The following COL9A1 variants were observed in gnomAD, a reference collection of about 807,000 sequenced individuals.
COL9A1 encodes collagen type IX alpha 1 chain.
A neutral mutation model predicts 142.6 loss-of-function variants in COL9A1; 104 were observed. The observed-to-expected ratio is 0.73, with a 90% CI of 0.62 to 0.86. COL9A1 has a LOEUF of 0.86. COL9A1 is among the 40% of genes least tolerant of loss of function. The pLI is 0.00. For synonymous variants in COL9A1, 466 were observed against 396.0 expected, an observed-to-expected ratio of 1.18 and a Z score of -2.10; for missense variants, 1,210 against 1,176.6, an observed-to-expected ratio of 1.03 and a Z score of -0.42.
At chr6:70,295,489 T>C (rs1406401427) in intron 4 of COL9A1, among the ~76,000 whole-genome samples, 3 of 151,808 alleles carry the variant, frequency 2.0e-5, no homozygotes, top group Non-Finnish European at 4.4e-5. Context: ...TGTTTCGCCA[T>C]GTCAGTCAGG....
intron 17 of COL9A1, among the ~76,000 whole-genome samples, chr6:70,267,291 CTG>C (rs920016012): frequency 6.9e-5 from 10 of 145,034 alleles, no homozygotes; most frequent in Non-Finnish European, 1.4e-4. Flanking sequence ...GCCTCTTTCT[CTG>C]TACATTTTTT....
chr6:70,260,628 G>T, intron 20 of COL9A1, 29 bp downstream of exon 20: 9 of 1,599,560 alleles, frequency 5.6e-6, no homozygotes, highest in Non-Finnish European at 7.7e-6. Flanking sequence ...ACACATTTTG[G>T]TATTATATTA....
intron 5 of COL9A1, among the ~76,000 whole-genome samples, chr6:70,291,322 G>T (rs928324799): frequency 6.6e-6 from 1 of 152,096 alleles, no homozygotes; most frequent in African/African-American, 2.4e-5. Context: ...ATTGTACCTT[G>T]TCTTCTCCTA....
chr6:70,257,848 G>A (rs1198814084), intron 20 of COL9A1, among the ~76,000 whole-genome samples: 1 of 152,122 alleles, frequency 6.6e-6, no homozygotes, highest in East Asian at 1.9e-4. Flanking sequence ...GGGATTTCTG[G>A]GACTCTGGAT....
At chr6:70,238,881 G>A (rs936675044) in intron 33 of COL9A1, among the ~76,000 whole-genome samples, 5 of 152,222 alleles carry the variant, frequency 3.3e-5, no homozygotes, top group African/African-American at 1.2e-4. Context: ...GCTCACACCT[G>A]TAAACCCAGC....
Position 70,268,855 on chromosome 6 carries a change from G to A in COL9A1, c.1236C>T (p.Pro412=), listed in dbSNP as rs1156694624. The part of the protein sequence containing the change: ...IGFHDGDPLC[P]NACPPGRSGY... Reference sequence around the variant, plus strand: ...CTGAGCGACCTGGTGGACAGGCATTGGGACACTGCCAGGGAGAGAGGGAAC... The same window carrying A: ...CTGAGCGACCTGGTGGACAGGCATTAGGACACTGCCAGGGAGAGAGGGAAC... Residue 412 remains proline, a synonymous_variant, in exon 17 of 38, where the codon CCC becomes CCT. Transcript: ENST00000357250. The A allele has an allele frequency of 1.2e-6, 2 of 1,613,700 alleles. No homozygotes were observed. Among genetic ancestry groups the A allele is most frequent in the Non-Finnish European group, 1.7e-6 (2 of 1,179,844 alleles).
intron 18 of COL9A1, among the ~76,000 whole-genome samples, chr6:70,264,687 A>G (rs1242326140): frequency 1.3e-5 from 2 of 152,096 alleles, no homozygotes; most frequent in Non-Finnish European, 2.9e-5. Flanking sequence ...TGTTTCACCT[A>G]CAGGTGAAAA....
intron 1 of COL9A1, 131 bp from the exon 2 acceptor site, chr6:70,302,205 T>A (rs1774092771): frequency 5.1e-5 from 4 of 77,704 alleles, no homozygotes; most frequent in Admixed American, 2.2e-4. Flanking sequence ...TTTTCATTTC[T>A]TTTTTTTTTT....
At chr6:70,267,116 G>A (rs1449271068) in intron 17 of COL9A1, among the ~76,000 whole-genome samples, 2 of 152,008 alleles carry the variant, frequency 1.3e-5, no homozygotes, top group South Asian at 2.1e-4. Flanking sequence ...TCTAGTTCCG[G>A]TAACTTAACC....
chr6:70,297,248 T>C (rs1405382423), intron 4 of COL9A1, among the ~76,000 whole-genome samples: 5 of 152,088 alleles, frequency 3.3e-5, no homozygotes, highest in African/African-American at 9.6e-5. Flanking sequence ...AGGTTTGAGA[T>C]TGCTAAATGA....
At position 70,280,740 on chromosome 6, in the gene COL9A1, C is replaced by A. The variant is rs181957735; in HGVS notation, c.975+72G>T. On this transcript the variant is annotated intron_variant, in intron 10 of 37. Coordinates refer to ENST00000357250, the MANE Select transcript of COL9A1 (RefSeq NM_001851.6). ...CTCTTTCTCTCTCTCCCTCCCCCCC[C>A]ACAAAACACACACTTACTCGTACCC... 199 of 1,521,616 alleles carry A rather than the reference C, an allele frequency of 1.3e-4. 1 individual carries two copies. The African/African-American group carries it at 1.5e-3, about 12-fold the overall frequency. The allele number at this position is 1,521,616 out of a possible 1,614,324, so 94.3% of individuals were successfully genotyped here.
At position 70,254,983 on chromosome 6, in the gene COL9A1, G is replaced by A; in HGVS notation, c.1645C>T (p.Pro549Ser). 6.2e-7 allele frequency: 1 copy of A among 1,614,078 alleles called. No individual in the cohort carries two copies. The highest frequency in any genetic ancestry group is 8.5e-7 in the Non-Finnish European group (1 of 1,180,014). ...LPGVDGRDGIPGMPGTKGEPG... is the reference protein window; with the variant it reads ...LPGVDGRDGISGMPGTKGEPG... Reference sequence around the variant, plus strand: ...CCTACCTTTGTTCCAGGCATTCCAGGGATCCCATCACGGCCATCCACACCT... The same window carrying A: ...CCTACCTTTGTTCCAGGCATTCCAGAGATCCCATCACGGCCATCCACACCT... Residue 549 changes from proline to serine, a missense_variant, in exon 24 of 38, where the codon CCT becomes TCT. Physicochemically the swap from Pro to Ser is moderately conservative, Grantham distance 74. Transcript: ENST00000357250.
chr6:70,252,431 C>T, intron 26 of COL9A1, 116 bp from the exon 27 acceptor site: 1 of 886,218 alleles, frequency 1.1e-6, no homozygotes, highest in Non-Finnish European at 1.9e-6. Context: ...CCTGCTTTCA[C>T]ACTGAGAATC....
chr6:70,229,767 C>G (rs1261367953), intron 36 of COL9A1, among the ~76,000 whole-genome samples: 7 of 152,082 alleles, frequency 4.6e-5, no homozygotes, highest in Non-Finnish European at 8.8e-5. Context: ...GGTTTTAAGC[C>G]TGGGCCCTAA....
chr6:70,265,339 C>A (rs1371593020), intron 18 of COL9A1, among the ~76,000 whole-genome samples: 2 of 152,006 alleles, frequency 1.3e-5, no homozygotes, highest in Admixed American at 1.3e-4. Flanking sequence ...ATACAAACAT[C>A]AAAAATAACA....
chr6:70,297,222 T>G (rs1339580885), intron 4 of COL9A1, among the ~76,000 whole-genome samples: 2 of 152,074 alleles, frequency 1.3e-5, no homozygotes, highest in African/African-American at 4.8e-5. Context: ...ATAATTAATT[T>G]AAAATGATGG....
At chr6:70,296,756 G>A (rs1200600076) in intron 4 of COL9A1, among the ~76,000 whole-genome samples, 1 of 152,032 alleles carries the variant, frequency 6.6e-6, no homozygotes. Flanking sequence ...TTGGGCAAGT[G>A]TCCATTTAAA....
At position 70,255,361 on chromosome 6, in the gene COL9A1, T is replaced by C; in HGVS notation, c.1533A>G (p.Gly511=). 1 of 1,614,200 alleles carries C rather than the reference T, an allele frequency of 6.2e-7. No individual in the cohort carries two copies. The highest frequency in any genetic ancestry group is 8.5e-7 in the Non-Finnish European group (1 of 1,180,014). ...CTCTATCTCCTTTGGGACCTGCTTC[T>C]CCTGGAGGTCCTCGCTGTCCTTGAT... ...PGDQGQRGPP[G]EAGPKGDRGA... Residue 511 remains glycine, a synonymous_variant, in exon 22 of 38, where the codon GGA becomes GGG. Coordinates refer to ENST00000357250, the MANE Select transcript of COL9A1 (RefSeq NM_001851.6).
chr6:70,263,298 C>T lies in COL9A1; in HGVS notation c.1342-1G>A. The T allele has an allele frequency of 1.2e-6, 2 of 1,607,290 alleles. No homozygotes were observed. Among genetic ancestry groups the T allele is most frequent in the Non-Finnish European group, 1.7e-6 (2 of 1,176,726 alleles). ...GTTCTCCCTGGTCACCTTCTTCACC[C>T]TAAAGAAAAAAAAGAAAAAAGAAAA... On this transcript the variant is annotated splice_acceptor_variant, in intron 18 of 37. Transcript: ENST00000357250. LOFTEE classifies it high-confidence loss of function.
Sources: allele counts gnomAD v4.1 joint callset (sites outside exome capture counted in the v4.1 genomes callset), GRCh38; gene constraint gnomAD v4.1.1; transcripts MANE v1.5; gene names NCBI Gene and HGNC (gene_info 2026-07-23, HGNC 2026-07-21).